The following ZBTB20 variants were observed in gnomAD, a reference collection of about 807,000 sequenced individuals.
ZBTB20 encodes the protein zinc finger and BTB domain containing 20, also known as zinc finger and BTB domain-containing protein 20.
A neutral mutation model predicts 56.9 loss-of-function variants in ZBTB20; 9 were observed. The observed-to-expected ratio is 0.16, with a 90% CI of 0.10 to 0.28. The LOEUF (loss-of-function observed/expected upper bound fraction) is 0.28. Ranked by LOEUF, ZBTB20 falls within the 10% of genes least tolerant of loss-of-function variation. The probability of loss-of-function intolerance (pLI) is 1.00; values close to 1 mark genes in which losing one functional copy is unlikely to be tolerated. For synonymous variants in ZBTB20, 417 were observed against 420.7 expected (o/e 0.99, Z 0.11); for missense variants, 655 against 1,003.0 (o/e 0.65, Z 4.69).
intron 7 of ZBTB20, among the ~76,000 whole-genome samples, chr3:114,390,212 A>AT (rs554506236): frequency 2.9e-3 from 444 of 152,202 alleles, no homozygotes; most frequent in Non-Finnish European, 4.5e-3. Context: ...AAAAAAGCCT[A>AT]TTTTTTCCCC....
intron 2 of ZBTB20, among the ~76,000 whole-genome samples, chr3:115,066,304 G>A (rs565716456): frequency 2.0e-5 from 3 of 151,356 alleles, no homozygotes; most frequent in Non-Finnish European, 2.9e-5. Context: ...CCAGGTACTC[G>A]AGAAAAACAT....
chr3:114,571,951 C>T (rs2053483774), intron 6 of ZBTB20, among the ~76,000 whole-genome samples: 1 of 152,188 alleles, frequency 6.6e-6, no homozygotes, highest in Non-Finnish European at 1.5e-5. Flanking sequence ...GTCTTCAAGA[C>T]ATATGTGCAA....
Position 114,400,678 on chromosome 3 carries a change from G to C in ZBTB20, c.-254-11573C>G, listed in dbSNP as rs146214422. On this transcript the variant is annotated intron_variant, in intron 7 of 11. Coordinates refer to ENST00000675478, the MANE Select transcript of ZBTB20 (RefSeq NM_001348800.3). ...CAGGTGACAATCACTGTTCCTCCAG[G>C]TGTGTCTGAAACACTGGGGGACCCT... is the stretch of plus-strand genomic sequence containing the variant. Among the ~76,000 whole-genome samples, 760 of 152,178 alleles carry C rather than the reference G, an allele frequency of 5.0e-3. 22 individuals carry two copies. The highest frequency in any genetic ancestry group is 0.048 in the South Asian group (231 of 4,814).
At chr3:114,825,792 T>G (rs968060096) in intron 4 of ZBTB20, among the ~76,000 whole-genome samples, 1 of 151,822 alleles carries the variant, frequency 6.6e-6, no homozygotes, top group Non-Finnish European at 1.5e-5. Flanking sequence ...GAGTCAATTA[T>G]TTTTAGAAAA....
chr3:114,648,357 A>G (rs924472955), intron 6 of ZBTB20, among the ~76,000 whole-genome samples: 1 of 151,926 alleles, frequency 6.6e-6, no homozygotes, highest in Non-Finnish European at 1.5e-5. Context: ...TAAAATTAAT[A>G]ATTTCAAAGA....
chr3:114,398,411 T>C (rs890040736), intron 7 of ZBTB20, among the ~76,000 whole-genome samples: 1 of 152,094 alleles, frequency 6.6e-6, no homozygotes, highest in Non-Finnish European at 1.5e-5. Context: ...CTGTAGCTAT[T>C]GGAATAGTTT....
intron 2 of ZBTB20, among the ~76,000 whole-genome samples, chr3:115,036,342 C>T (rs957329667): frequency 3.9e-4 from 60 of 152,002 alleles, no homozygotes; most frequent in Non-Finnish European, 5.6e-4. Context: ...GCTCTGTCGC[C>T]AGGCTGAAGT....
intron 5 of ZBTB20, chr3:114,743,638 G>A (rs532540850): frequency 6.5e-6 from 1 of 154,218 alleles, no homozygotes; most frequent in African/African-American, 2.4e-5. Context: ...AAACATATCA[G>A]AAGTGAAATT....
In ZBTB20 at chr3:114,320,512, C is replaced by G. The variant is rs1051540269; in HGVS notation, c.*18493G>C. On this transcript the variant is annotated 3_prime_UTR_variant, in exon 12 of 12. Transcript: ENST00000675478. ...ATGAAGGAGCCAAGATTACATAATT[C>G]CAACTATGGTATGATTGGCAAGCAC... is the stretch of plus-strand genomic sequence containing the variant. The G allele has an allele frequency of 2.6e-5, 4 of 152,118 alleles. No homozygotes were observed. Among genetic ancestry groups the G allele is most frequent in the African/African-American group, 9.7e-5 (4 of 41,428 alleles). The allele number at this position is 152,118 out of a possible 1,614,324, so 9.4% of individuals were successfully genotyped here.
intron 7 of ZBTB20, among the ~76,000 whole-genome samples, chr3:114,447,581 A>G (rs765971877): frequency 6.6e-6 from 1 of 152,142 alleles, no homozygotes; most frequent in Non-Finnish European, 1.5e-5. Flanking sequence ...CAAATGCTTC[A>G]TGTCTCTTGA....
chr3:115,036,972 A>G (rs984999947), intron 2 of ZBTB20, among the ~76,000 whole-genome samples: 27 of 152,328 alleles, frequency 1.8e-4, no homozygotes, highest in Middle Eastern at 3.4e-3. Context: ...GAAGCTTACA[A>G]TGAAACTGGA....
intron 4 of ZBTB20, among the ~76,000 whole-genome samples, chr3:114,846,206 T>C (rs2074696904): frequency 6.6e-6 from 1 of 152,190 alleles, no homozygotes; most frequent in Non-Finnish European, 1.5e-5. Flanking sequence ...TGCAATTCAC[T>C]GGAACACTGA....
At chr3:114,955,086 C>T (rs2077201330) in intron 3 of ZBTB20, among the ~76,000 whole-genome samples, 1 of 152,138 alleles carries the variant, frequency 6.6e-6, no homozygotes, top group South Asian at 2.1e-4. Context: ...GCACTACTGC[C>T]CCTATGGTGC....
chr3:114,910,717 G>C (rs145084330), intron 3 of ZBTB20, among the ~76,000 whole-genome samples: 28 of 151,682 alleles, frequency 1.8e-4, no homozygotes, highest in African/African-American at 5.8e-4. Flanking sequence ...AAAAATAAAT[G>C]GGCTCAAAGT....
At chr3:115,044,974 T>A (rs2081282213) in intron 2 of ZBTB20, among the ~76,000 whole-genome samples, 1 of 152,214 alleles carries the variant, frequency 6.6e-6, no homozygotes, top group South Asian at 2.1e-4. Context: ...GGAAATGGTA[T>A]GCCTATGAAT....
chr3:114,788,190 A>G (rs1047173157), intron 5 of ZBTB20, among the ~76,000 whole-genome samples: 1 of 152,106 alleles, frequency 6.6e-6, no homozygotes, highest in Non-Finnish European at 1.5e-5. Context: ...ACATTTTTTT[A>G]TTGTGGTAAA....
chr3:114,409,078 G>A lies in ZBTB20; in HGVS notation c.-254-19973C>T, dbSNP rs988319273. Among the ~76,000 whole-genome samples the A allele has an allele frequency of 8.8e-5, 13 of 147,090 alleles. No homozygotes were observed. In the South Asian group the frequency reaches 1.3e-3, roughly 14 times the overall value. On this transcript the variant is annotated intron_variant, in intron 7 of 11. Coordinates refer to ENST00000675478, the MANE Select transcript of ZBTB20 (RefSeq NM_001348800.3). ...ACCAAAAAGGCAGAAAAGGTTGAAC[G>A]TACTCTGCTTTTATTCAAATCTTCT...
In ZBTB20 at chr3:114,943,314, T is replaced by C. The variant is rs1560422913; in HGVS notation, c.-456+31052A>G. Among the ~76,000 whole-genome samples the C allele has an allele frequency of 1.4e-5, 2 of 145,060 alleles. 1 individual carries two copies. The highest frequency in any genetic ancestry group is 3.0e-5 in the Non-Finnish European group (2 of 67,550). On this transcript the variant is annotated intron_variant, in intron 3 of 11. Transcript: ENST00000675478. ...ATTAAATCCCCATGGAAAAATATAATACCATACAAAACACTCTAAATTTTT... is the reference window on the plus strand; with the variant it reads ...ATTAAATCCCCATGGAAAAATATAACACCATACAAAACACTCTAAATTTTT...
chr3:114,814,227 A>G (rs1182885228), intron 4 of ZBTB20, among the ~76,000 whole-genome samples: 1 of 149,314 alleles, frequency 6.7e-6, no homozygotes, highest in Non-Finnish European at 1.5e-5. Flanking sequence ...TTTATTTTTT[A>G]TTTACTTAAT....
Sources: gnomAD v4.1 joint callset for allele counts (sites outside exome capture counted in the v4.1 genomes callset) on GRCh38, gnomAD v4.1.1 for gene constraint, MANE v1.5 for transcripts, NCBI Gene and HGNC (gene_info 2026-07-23, HGNC 2026-07-21) for gene names.